The following APBA2 variants were observed in gnomAD, a reference collection of about 807,000 sequenced individuals.
APBA2 encodes amyloid-beta A4 precursor protein-binding family A member 2.
In APBA2, 30 loss-of-function variants were observed where a neutral mutation model predicts 75.0. The observed-to-expected ratio is 0.40, with a 90% CI of 0.30 to 0.54. APBA2 has a LOEUF of 0.54. Among genes scored for constraint, APBA2 ranks in the 20% least tolerant of loss-of-function variants. The probability of loss-of-function intolerance (pLI) is 0.49; values close to 1 mark genes in which losing one functional copy is unlikely to be tolerated. For synonymous variants in APBA2, 444 were observed against 409.6 expected, an observed-to-expected ratio of 1.08 and a Z score of -1.01; for missense variants, 801 against 1,016.1, an observed-to-expected ratio of 0.79 and a Z score of 2.88.
At chr15:29,101,563 GTGTTCCC>G in intron 9 of APBA2, 29 bp from the exon 10 acceptor site, 1 of 1,600,364 alleles carries the variant, frequency 6.2e-7, no homozygotes, top group Non-Finnish European at 8.5e-7. Context: ...TGTCCCAGTA[GTGTTCCC>G]TGACGTGGCA....
At chr15:29,086,712 C>G (rs1330013793) in intron 6 of APBA2, among the ~76,000 whole-genome samples, 2 of 152,244 alleles carry the variant, frequency 1.3e-5, no homozygotes, top group Non-Finnish European at 1.5e-5. Flanking sequence ...GATGTACAGT[C>G]AGACAACTGT....
rs971713601 is a variant in APBA2 at position 28,918,220 on chromosome 15, G to C, written c.-204-3420G>C. 3.3e-5 allele frequency among the ~76,000 whole-genome samples: 5 copies of C among 152,244 alleles called. No individual in the cohort carries two copies. Among genetic ancestry groups the C allele is most frequent in the African/African-American group, 1.2e-4 (5 of 41,472 alleles). ...GGAAAAGGCACAGGGAGGTGCAGAA[G>C]CGTTCCTGGCGCCACGGAGCCGGTC... On this transcript the variant is annotated intron_variant, in intron 1 of 14. Coordinates refer to ENST00000683413, the MANE Select transcript of APBA2 (RefSeq NM_001353788.2). This position sits in a 1 kb window ranked among gnomAD's most constrained non-coding sequence, Gnocchi z 4.2.
At chr15:28,905,637 C>T (rs1413132264) in intron 1 of APBA2, among the ~76,000 whole-genome samples, 2 of 152,148 alleles carry the variant, frequency 1.3e-5, no homozygotes, top group Non-Finnish European at 2.9e-5. Context: ...GCAATCCTCC[C>T]GCCTCAGTCT....
chr15:28,981,101 A>G (rs2037598467), intron 2 of APBA2, among the ~76,000 whole-genome samples: 1 of 152,232 alleles, frequency 6.6e-6, no homozygotes, highest in Non-Finnish European at 1.5e-5. Flanking sequence ...ATCATTCTGG[A>G]TATTGGCCTT....
chr15:28,895,044 C>T (rs886621995), intron 1 of APBA2, among the ~76,000 whole-genome samples: 3 of 152,180 alleles, frequency 2.0e-5, no homozygotes, highest in Non-Finnish European at 4.4e-5. Context: ...TTAATTTTAC[C>T]CTTTAGAGAT....
chr15:29,003,764 C>T (rs761025758), intron 3 of APBA2, among the ~76,000 whole-genome samples: 5 of 152,264 alleles, frequency 3.3e-5, no homozygotes, highest in Non-Finnish European at 7.3e-5. Flanking sequence ...CTGCAGTCCA[C>T]AGGCAGAATT....
intron 4 of APBA2, among the ~76,000 whole-genome samples, chr15:29,062,165 C>T (rs931610426): frequency 5.3e-5 from 8 of 152,102 alleles, no homozygotes; most frequent in Non-Finnish European, 2.9e-5. Context: ...GTGGAGTAGT[C>T]GGCTCCCTCC....
intron 1 of APBA2, among the ~76,000 whole-genome samples, chr15:28,911,885 A>T (rs2033445418): frequency 6.6e-6 from 1 of 152,206 alleles, no homozygotes; most frequent in Non-Finnish European, 1.5e-5. Flanking sequence ...GAGGCTGCAT[A>T]TTTGCAGTGA....
At chr15:29,082,954 A>G (rs1179133723) in intron 6 of APBA2, among the ~76,000 whole-genome samples, 1 of 152,000 alleles carries the variant, frequency 6.6e-6, no homozygotes, top group Admixed American at 6.6e-5. Flanking sequence ...CCCAGCTACT[A>G]GAGAGGCTGG....
chr15:29,114,982 TGA>T (rs1567035772), intron 14 of APBA2, among the ~76,000 whole-genome samples: 1 of 149,868 alleles, frequency 6.7e-6, no homozygotes, highest in African/African-American at 2.5e-5. Flanking sequence ...GCATGGGGTG[TGA>T]GGAGAGTGTG....
rs1033582381 is a variant in APBA2, at chr15:28,991,560, C to A, written c.-94-4193C>A. ...CCACGAAGGCCATGTGAGTGTGAAC[C>A]CCCATTACAAGCTTTCCCTCATGAG... On this transcript the variant is annotated intron_variant, in intron 2 of 14. Transcript: ENST00000683413. This position sits in a 1 kb window ranked among gnomAD's most constrained non-coding sequence, Gnocchi z 4.7. Among the ~76,000 whole-genome samples the A allele has an allele frequency of 3.9e-5, 6 of 152,182 alleles. No homozygotes were observed. Among genetic ancestry groups the A allele is most frequent in the African/African-American group, 1.4e-4 (6 of 41,438 alleles).
intron 1 of APBA2, among the ~76,000 whole-genome samples, chr15:28,890,909 G>A (rs1322123602): frequency 2.0e-5 from 3 of 152,156 alleles, no homozygotes; most frequent in Admixed American, 6.5e-5. Context: ...TTACAGCTAC[G>A]GCCTAGTGAG....
intron 2 of APBA2, among the ~76,000 whole-genome samples, chr15:28,931,334 A>G (rs937416375): frequency 6.6e-6 from 1 of 152,100 alleles, no homozygotes; most frequent in African/African-American, 2.4e-5. Flanking sequence ...TAGCTCCTGG[A>G]TCTTAGCGGG....
At chr15:29,037,275 G>A (rs1387742020) in intron 3 of APBA2, among the ~76,000 whole-genome samples, 1 of 152,052 alleles carries the variant, frequency 6.6e-6, no homozygotes, top group African/African-American at 2.4e-5. Flanking sequence ...ACCCGTCTTG[G>A]TAGCTCCAAA....
chr15:29,065,489 G>C (rs1304584014), intron 4 of APBA2, among the ~76,000 whole-genome samples: 1 of 152,168 alleles, frequency 6.6e-6, no homozygotes, highest in Non-Finnish European at 1.5e-5. Context: ...GTAATAGGGG[G>C]CTGACCTATT....
intron 3 of APBA2, among the ~76,000 whole-genome samples, chr15:29,017,397 C>CTTTTTTTTTTT (rs56993296): frequency 1.6e-4 from 16 of 102,068 alleles, no homozygotes; most frequent in Admixed American, 3.5e-4. Context: ...TTCTTTCTTT[C>CTTTTTTTTTTT]TTTTTTTTTT....
intron 3 of APBA2, among the ~76,000 whole-genome samples, chr15:29,013,520 A>G (rs2039510740): frequency 6.6e-6 from 1 of 152,070 alleles, no homozygotes; most frequent in African/African-American, 2.4e-5. Flanking sequence ...TGACCTCGTG[A>G]TCCACCCACC....
At chr15:28,926,910 G>A (rs144349499) in intron 2 of APBA2, among the ~76,000 whole-genome samples, 1,482 of 146,016 alleles carry the variant, frequency 0.01, 9 homozygotes, top group South Asian at 0.021. Context: ...AGGCTGGAGT[G>A]CAGTGGTGCT....
chr15:29,017,733 G>T (rs1053443459), intron 3 of APBA2, among the ~76,000 whole-genome samples: 2 of 152,100 alleles, frequency 1.3e-5, no homozygotes, highest in African/African-American at 4.8e-5. Context: ...TACCCATATT[G>T]AAATGTTTAT....
Sources: gnomAD v4.1 joint callset for allele counts (sites outside exome capture counted in the v4.1 genomes callset) on GRCh38, gnomAD v4.1.1 for gene constraint, Gnocchi (gnomAD v3.1) non-coding constraint, MANE v1.5 for transcripts, NCBI Gene and HGNC (gene_info 2026-07-23, HGNC 2026-07-21) for gene names.